Variants in CCDC85A observed in about 807,000 individuals in gnomAD.
The protein encoded by CCDC85A is coiled-coil domain containing 85A.
A neutral mutation model predicts 50.2 loss-of-function variants in CCDC85A; 38 were observed. That is an observed-to-expected ratio of 0.76 (90% CI 0.58 to 0.99). CCDC85A has a LOEUF of 0.99. Ranked by LOEUF, CCDC85A falls within the 50% of genes least tolerant of loss-of-function variation. The probability of loss-of-function intolerance (pLI) is 0.00; values close to 1 mark genes in which losing one functional copy is unlikely to be tolerated. For missense variants in CCDC85A, 820 were observed against 742.0 expected, an observed-to-expected ratio of 1.11 and a Z score of -1.22; for synonymous variants, 366 against 301.4, an observed-to-expected ratio of 1.21 and a Z score of -2.22.
chr2:56,185,552 G>A (rs950033666), intron 1 of CCDC85A: 1 of 152,546 alleles, frequency 6.6e-6, no homozygotes, highest in Middle Eastern at 3.4e-3. Context: ...TTAACCCCAG[G>A]TTGACTGGGG....
At position 56,364,391 on chromosome 2, in the gene CCDC85A, T is replaced by G. The variant is rs372088119; in HGVS notation, c.1318-7953T>G. Among the ~76,000 whole-genome samples the G allele has an allele frequency of 8.5e-5, 13 of 152,344 alleles. No homozygotes were observed. The East Asian group carries it at 2.1e-3, about 25-fold the overall frequency. ...AAGTTTCACCTGGAGGAACAGGTATTTCAAAATTACTTTCTTTTCCTTCCA... is the reference window on the plus strand; with the variant it reads ...AAGTTTCACCTGGAGGAACAGGTATGTCAAAATTACTTTCTTTTCCTTCCA... On this transcript the variant is annotated intron_variant, in intron 3 of 5. Transcript: ENST00000407595.
intron 5 of CCDC85A, among the ~76,000 whole-genome samples, chr2:56,376,266 C>T (rs751940010): frequency 2.2e-4 from 33 of 152,144 alleles, no homozygotes; most frequent in Admixed American, 3.9e-4. Context: ...ATGTTTGTAG[C>T]GTGGATGTCT....
rs533200453 is a variant in CCDC85A, at chr2:56,384,251, CT to C, written c.1573-4del. 0.036 allele frequency: 36,084 copies of C among 1,010,280 alleles called. No homozygotes were observed. Among genetic ancestry groups the C allele is most frequent in the South Asian group, 0.047 (2,534 of 53,568 alleles). The allele number at this position is 1,010,280 out of a possible 1,614,324, so 62.6% of individuals were successfully genotyped here. Reference sequence around the variant, plus strand: ...AGGAAAAGTAAGATACTCACTCCTTCTTTTTTTTTTTAAGGTTGTGTGGAGG... The same window carrying C: ...AGGAAAAGTAAGATACTCACTCCTTCTTTTTTTTTTAAGGTTGTGTGGAGG... On this transcript the variant is annotated splice_polypyrimidine_tract_variant and intron_variant, in intron 5 of 5. Coordinates refer to ENST00000407595, the MANE Select transcript of CCDC85A (RefSeq NM_001080433.2).
chr2:56,210,205 T>C (rs1379645229), intron 2 of CCDC85A, among the ~76,000 whole-genome samples: 3 of 152,110 alleles, frequency 2.0e-5, no homozygotes, highest in Non-Finnish European at 1.5e-5. Flanking sequence ...CATGAGGAGT[T>C]GCAGCTGTGG....
intron 2 of CCDC85A, among the ~76,000 whole-genome samples, chr2:56,293,877 C>T (rs1304786661): frequency 6.6e-6 from 1 of 152,168 alleles, no homozygotes; most frequent in Non-Finnish European, 1.5e-5. Context: ...TTAGTTCAAC[C>T]ATTGTGGAAG....
chr2:56,222,095 T>A (rs1265287821), intron 2 of CCDC85A, among the ~76,000 whole-genome samples: 1 of 152,070 alleles, frequency 6.6e-6, no homozygotes, highest in African/African-American at 2.4e-5. Context: ...CCCCATCTCT[T>A]TACACTGTTG....
intron 2 of CCDC85A, among the ~76,000 whole-genome samples, chr2:56,282,659 G>A (rs1324002147): frequency 5.9e-5 from 9 of 152,186 alleles, no homozygotes; most frequent in East Asian, 1.9e-4. Flanking sequence ...ACAGGCATGC[G>A]GCACCATGCT....
intron 2 of CCDC85A, among the ~76,000 whole-genome samples, chr2:56,283,869 A>G (rs1671312177): frequency 6.6e-6 from 1 of 152,082 alleles, no homozygotes; most frequent in African/African-American, 2.4e-5. Context: ...TGCGTTTTCT[A>G]CTTAAGTTAA....
At chr2:56,344,970 A>G (rs978464552) in intron 3 of CCDC85A, among the ~76,000 whole-genome samples, 3 of 152,144 alleles carry the variant, frequency 2.0e-5, no homozygotes, top group Admixed American at 2.0e-4. Flanking sequence ...AATGATGACA[A>G]GGCTGATTCT....
rs532725268 is a variant in CCDC85A at position 56,187,688 on chromosome 2, C to T, written c.276+2788C>T. ...CAAGGTCACACAGACATAAAGTGTTCAAAATCGGCCTGCTTTCCTTTTCTT... is the reference window on the plus strand; with the variant it reads ...CAAGGTCACACAGACATAAAGTGTTTAAAATCGGCCTGCTTTCCTTTTCTT... On this transcript the variant is annotated intron_variant, in intron 1 of 5. Coordinates refer to ENST00000407595, the MANE Select transcript of CCDC85A (RefSeq NM_001080433.2). Among the ~76,000 whole-genome samples, 84 of 152,268 alleles carry T rather than the reference C, an allele frequency of 5.5e-4. 1 individual carries two copies. The highest frequency in any genetic ancestry group is 1.9e-3 in the African/African-American group (81 of 41,544).
At chr2:56,275,351 A>G (rs1670881722) in intron 2 of CCDC85A, among the ~76,000 whole-genome samples, 1 of 152,198 alleles carries the variant, frequency 6.6e-6, no homozygotes, top group African/African-American at 2.4e-5. Context: ...TCTCTTGGTA[A>G]ATGGAGTACA....
At chr2:56,364,597 T>G (rs1675696786) in intron 3 of CCDC85A, among the ~76,000 whole-genome samples, 1 of 152,182 alleles carries the variant, frequency 6.6e-6, no homozygotes, top group Admixed American at 6.5e-5. Context: ...TAATCACTTC[T>G]TTGATCTTGA....
At chr2:56,296,071 A>T (rs1192841174) in intron 2 of CCDC85A, among the ~76,000 whole-genome samples, 3 of 152,354 alleles carry the variant, frequency 2.0e-5, no homozygotes, top group Non-Finnish European at 4.4e-5. Context: ...TACAGGCAGC[A>T]ATTTTCCTTT....
At position 56,369,330 on chromosome 2, in the gene CCDC85A, T is replaced by C. The variant is rs1005950429; in HGVS notation, c.1318-3014T>C. Reference sequence around the variant, plus strand: ...TCTTTAAATAAATAGATGAGAACTATTTATTATTAGAATGGTCGTAGTTTG... The same window carrying C: ...TCTTTAAATAAATAGATGAGAACTACTTATTATTAGAATGGTCGTAGTTTG... On this transcript the variant is annotated intron_variant, in intron 3 of 5. Transcript: ENST00000407595. Among the ~76,000 whole-genome samples, 68 of 152,148 alleles carry C rather than the reference T, an allele frequency of 4.5e-4. 1 individual carries two copies. The highest frequency in any genetic ancestry group is 1.5e-4 in the Non-Finnish European group (10 of 67,996).
chr2:56,265,346 T>C (rs1670391500), intron 2 of CCDC85A, among the ~76,000 whole-genome samples: 1 of 152,202 alleles, frequency 6.6e-6, no homozygotes, highest in South Asian at 2.1e-4. Flanking sequence ...AGATTAACTG[T>C]GCTTATGTTT....
At chr2:56,194,026 A>G (rs1573005599) in intron 2 of CCDC85A, among the ~76,000 whole-genome samples, 1 of 152,198 alleles carries the variant, frequency 6.6e-6, no homozygotes, top group East Asian at 1.9e-4. Flanking sequence ...GGAGGCCTGA[A>G]TCTGTGACAT....
chr2:56,219,177 C>A (rs1220611418), intron 2 of CCDC85A, among the ~76,000 whole-genome samples: 1 of 148,746 alleles, frequency 6.7e-6, no homozygotes, highest in Admixed American at 6.8e-5. Context: ...AAGCCCACTA[C>A]CAAAAGTAGT....
chr2:56,336,599 C>A (rs1042246458), intron 2 of CCDC85A, among the ~76,000 whole-genome samples: 1 of 152,168 alleles, frequency 6.6e-6, no homozygotes, highest in Non-Finnish European at 1.5e-5. Context: ...TAGACAGTTG[C>A]AAATACCAAT....
At chr2:56,357,845 G>A (rs1350358720) in intron 3 of CCDC85A, among the ~76,000 whole-genome samples, 1 of 152,104 alleles carries the variant, frequency 6.6e-6, no homozygotes, top group Non-Finnish European at 1.5e-5. Context: ...GACCCAGTGT[G>A]TCATCAGTTC....
Sources: gnomAD v4.1 joint callset for allele counts (sites outside exome capture counted in the v4.1 genomes callset) on GRCh38, gnomAD v4.1.1 for gene constraint, MANE v1.5 for transcripts, NCBI Gene and HGNC (gene_info 2026-07-23, HGNC 2026-07-21) for gene names.